The following C11orf65 variants were observed in gnomAD, a reference collection of about 807,000 sequenced individuals.
The protein encoded by C11orf65 is chromosome 11 open reading frame 65.
Under a neutral mutation model 35.3 loss-of-function variants are expected in C11orf65, and 38 were observed. The ratio of observed to expected loss-of-function variants is 1.08; its 90% CI spans 0.83 to 1.41. The LOEUF (loss-of-function observed/expected upper bound fraction) is 1.41, where lower values mean the gene tolerates loss of function less well. Ranked by LOEUF, C11orf65 falls within the 40% of genes most tolerant of loss-of-function variation. C11orf65 has a pLI of 0.00. For missense variants in C11orf65, 370 were observed against 367.1 expected, an observed-to-expected ratio of 1.01 and a Z score of -0.06; for synonymous variants, 105 against 114.4, an observed-to-expected ratio of 0.92 and a Z score of 0.53.
At chr11:108,370,677 C>A (rs1264450550) in intron 2 of C11orf65, among the ~76,000 whole-genome samples, 1 of 151,414 alleles carries the variant, frequency 6.6e-6, no homozygotes, top group Admixed American at 6.6e-5. Flanking sequence ...CCTTTCTGTC[C>A]CTAGGCTGCT....
chr11:108,341,403 A>T lies in C11orf65; in HGVS notation c.227-6111T>A, dbSNP rs1591235751. 2.6e-5 allele frequency among the ~76,000 whole-genome samples: 4 copies of T among 152,160 alleles called. No individual in the cohort carries two copies. In the South Asian group the frequency reaches 6.2e-4, roughly 24 times the overall value. On this transcript the variant is annotated intron_variant, in intron 2 of 3. Coordinates refer to the C11orf65 transcript ENST00000524755. ...TTATACTTATTATCTAATATTATGA[A>T]ATGTTTATTAGGATATATGTTCCTC...
intron 2 of C11orf65, among the ~76,000 whole-genome samples, chr11:108,358,068 A>C (rs1480015934): frequency 2.7e-5 from 4 of 148,716 alleles, no homozygotes; most frequent in Non-Finnish European, 4.5e-5. Flanking sequence ...AAGAATGTAT[A>C]ACTAGAATAA....
At chr11:108,394,173 C>G (rs906354625) in intron 6 of C11orf65, among the ~76,000 whole-genome samples, 8 of 129,292 alleles carry the variant, frequency 6.2e-5, no homozygotes, top group Non-Finnish European at 1.2e-4. Flanking sequence ...GAGCAAGACT[C>G]CATCTCAAAA....
chr11:108,450,556 T>C (rs2093332859), intron 2 of C11orf65, among the ~76,000 whole-genome samples: 1 of 134,230 alleles, frequency 7.4e-6, no homozygotes, highest in South Asian at 2.3e-4. Flanking sequence ...TTGTCACTCA[T>C]AGGTGGGAAT....
Position 108,317,568 on chromosome 11 carries a change from C to T in C11orf65, c.641-8497G>A, listed in dbSNP as rs752104231. Reference sequence around the variant, plus strand: ...TTTTTTTTTTGCCTCTCTCCTCATTCTAAACAACAACTGTTTTTCTCTTCT... The same window carrying T: ...TTTTTTTTTTGCCTCTCTCCTCATTTTAAACAACAACTGTTTTTCTCTTCT... On this transcript the variant is annotated intron_variant, in intron 6 of 6. Transcript: ENST00000525729. The T allele has an allele frequency of 1.9e-4, 279 of 1,507,896 alleles. 1 individual carries two copies. The highest frequency in any genetic ancestry group is 2.3e-4 in the Non-Finnish European group (262 of 1,115,668). 93.4% of individuals were successfully genotyped at this position (1,507,896 alleles called of 1,614,324 possible). A position where few individuals can be genotyped will look rare whatever the true frequency, so the allele number is the denominator to read the frequency against.
downstream of C11orf65, among the ~76,000 whole-genome samples, chr11:108,330,726 G>T: frequency 6.6e-6 from 1 of 152,162 alleles, no homozygotes; most frequent in African/African-American, 2.4e-5. Context: ...ATAGGAGAGG[G>T]TCTAGAATGG....
intron 3 of C11orf65, among the ~76,000 whole-genome samples, chr11:108,413,208 AT>A (rs2092685159): frequency 1.3e-5 from 2 of 152,336 alleles, no homozygotes; most frequent in East Asian, 3.9e-4. Flanking sequence ...ATTTGTACAA[AT>A]TTGTGCAGTA....
chr11:108,389,633 T>A (rs766189431), intron 7 of C11orf65, among the ~76,000 whole-genome samples: 1 of 152,224 alleles, frequency 6.6e-6, no homozygotes, highest in Non-Finnish European at 1.5e-5. Flanking sequence ...CTATATGCTA[T>A]GAAGAAATTG....
chr11:108,339,558 G>T (rs1205192710), intron 2 of C11orf65, among the ~76,000 whole-genome samples: 1 of 152,090 alleles, frequency 6.6e-6, no homozygotes, highest in African/African-American at 2.4e-5. Context: ...CAGATACCCA[G>T]TTGAAATCTT....
At chr11:108,353,289 T>C (rs192836049) in intron 2 of C11orf65, among the ~76,000 whole-genome samples, 54 of 152,062 alleles carry the variant, frequency 3.6e-4, no homozygotes, top group African/African-American at 1.2e-3. Flanking sequence ...ACTGGGATTA[T>C]AGGCACCTGC....
At chr11:108,383,295 C>T (rs2091906184) in intron 8 of C11orf65, 120 bp from the exon 9 acceptor site, 1 of 842,584 alleles carries the variant, frequency 1.2e-6, no homozygotes, top group Admixed American at 3.5e-5. Context: ...CAAATATCTT[C>T]ACCTGAAACC....
chr11:108,442,864 C>A (rs990148889), intron 2 of C11orf65, among the ~76,000 whole-genome samples: 1 of 152,014 alleles, frequency 6.6e-6, no homozygotes, highest in Admixed American at 6.6e-5. Context: ...CCAGCCACTG[C>A]AAAAACATTG....
At chr11:108,458,027 T>C (rs1270855621) in intron 2 of C11orf65, among the ~76,000 whole-genome samples, 1 of 152,130 alleles carries the variant, frequency 6.6e-6, no homozygotes, top group African/African-American at 2.4e-5. Context: ...GTTTCTAACC[T>C]CTTTTTTCTA....
intron 3 of C11orf65, among the ~76,000 whole-genome samples, chr11:108,422,219 C>G (rs946142271): frequency 6.6e-6 from 1 of 152,090 alleles, no homozygotes; most frequent in Admixed American, 6.6e-5. Context: ...TGAGCCACCG[C>G]GCCTGGCCGA....
chr11:108,373,064 G>GTGA (rs1212563252), intron 2 of C11orf65, among the ~76,000 whole-genome samples: 2 of 151,874 alleles, frequency 1.3e-5, no homozygotes, highest in East Asian at 3.9e-4. Context: ...CGGTGACAGA[G>GTGA]TGAGACTGTC....
intron 3 of C11orf65, among the ~76,000 whole-genome samples, chr11:108,411,128 T>C (rs1038945455): frequency 1.3e-5 from 2 of 152,190 alleles, no homozygotes; most frequent in African/African-American, 2.4e-5. Context: ...GAGGTATAAA[T>C]TTCTGTCTGA....
In C11orf65 at chr11:108,424,976, T is replaced by A. The variant is rs1024275665; in HGVS notation, c.174+6770A>T. Among the ~76,000 whole-genome samples the A allele has an allele frequency of 6.6e-5, 10 of 152,274 alleles. No homozygotes were observed. The South Asian group carries it at 1.4e-3, about 22-fold the overall frequency. On this transcript the variant is annotated intron_variant, in intron 3 of 8. Transcript: ENST00000393084. ...AACCAATGAGAACAAAGACACAATG[T>A]ACCAGACTTCCCAGGAAACAGCTAA...
At chr11:108,435,942 A>T (rs1442219602) in intron 2 of C11orf65, among the ~76,000 whole-genome samples, 1 of 152,186 alleles carries the variant, frequency 6.6e-6, no homozygotes, top group East Asian at 1.9e-4. Context: ...GTTGCTAATC[A>T]GCTGACTTTG....
downstream of C11orf65, chr11:108,330,198 A>C: frequency 6.2e-7 from 1 of 1,609,774 alleles, no homozygotes; most frequent in Middle Eastern, 1.7e-4. Context: ...GTTTTACCTT[A>C]ATTATTCTAT....
Sources: allele counts gnomAD v4.1 joint callset (sites outside exome capture counted in the v4.1 genomes callset), GRCh38; gene constraint gnomAD v4.1.1; transcripts MANE v1.5; gene names NCBI Gene and HGNC (gene_info 2026-07-23, HGNC 2026-07-21).